FSTL4: variants seen among roughly 807,000 people sequenced by gnomAD.
The protein encoded by FSTL4 is follistatin like 4.
In FSTL4, 28 loss-of-function variants were observed where a neutral mutation model predicts 78.2. The ratio of observed to expected loss-of-function variants is 0.36; its 90% CI spans 0.27 to 0.49. FSTL4 has a LOEUF of 0.49. Among genes scored for constraint, FSTL4 ranks in the 20% least tolerant of loss-of-function variants. FSTL4 has a pLI of 0.98. For missense variants in FSTL4, 922 were observed against 1,084.9 expected, an observed-to-expected ratio of 0.85 and a Z score of 2.11; for synonymous variants, 422 against 440.5, an observed-to-expected ratio of 0.96 and a Z score of 0.53.
the FSTL4 span, among the ~76,000 whole-genome samples, chr5:133,799,069 A>C: frequency 3.0e-5 from 4 of 133,508 alleles, 1 homozygote; most frequent in Non-Finnish European, 6.7e-5. Flanking sequence ...GGAGGTGGGG[A>C]GGAAAGGAAA....
chr5:133,634,676 C>T, the FSTL4 span, among the ~76,000 whole-genome samples: 19 of 152,286 alleles, frequency 1.2e-4, no homozygotes, highest in Non-Finnish European at 2.2e-4. Flanking sequence ...GTAAAAATAG[C>T]AATCTGTACT....
At chr5:133,329,077 A>G (rs900262723) in intron 4 of FSTL4, among the ~76,000 whole-genome samples, 1 of 152,220 alleles carries the variant, frequency 6.6e-6, no homozygotes, top group African/African-American at 2.4e-5. Flanking sequence ...CGAGTGATCA[A>G]GATGAGGGTT....
At chr5:133,374,791 G>A (rs1278211327) in intron 4 of FSTL4, among the ~76,000 whole-genome samples, 2 of 152,084 alleles carry the variant, frequency 1.3e-5, no homozygotes, top group Non-Finnish European at 2.9e-5. Flanking sequence ...ACCAGGAAGA[G>A]GACCCTCACC....
chr5:133,745,846 C>G, the FSTL4 span, among the ~76,000 whole-genome samples: 1 of 152,250 alleles, frequency 6.6e-6, no homozygotes, highest in Non-Finnish European at 1.5e-5. Context: ...AACATTACCC[C>G]TGCAGGGGTT....
At chr5:133,265,855 C>T (rs1752630149) in intron 6 of FSTL4, among the ~76,000 whole-genome samples, 1 of 152,178 alleles carries the variant, frequency 6.6e-6, no homozygotes, top group Non-Finnish European at 1.5e-5. Context: ...ACTGTGGACA[C>T]TAGGGTGGGG....
intron 3 of FSTL4, among the ~76,000 whole-genome samples, chr5:133,547,716 C>A (rs1006342511): frequency 2.6e-5 from 4 of 152,082 alleles, no homozygotes; most frequent in Non-Finnish European, 4.4e-5. Flanking sequence ...CTCAGCTCAC[C>A]CCCATGTTAT....
chr5:133,520,842 G>C (rs1580762962), intron 3 of FSTL4, among the ~76,000 whole-genome samples: 1 of 152,084 alleles, frequency 6.6e-6, no homozygotes, highest in African/African-American at 2.4e-5. Flanking sequence ...GGGTTCTGAT[G>C]GGATGGAGGG....
At chr5:133,715,790 T>C in the FSTL4 span, among the ~76,000 whole-genome samples, 2 of 152,192 alleles carry the variant, frequency 1.3e-5, no homozygotes, top group Non-Finnish European at 2.9e-5. Flanking sequence ...TCCCAAACAC[T>C]GCGAAGAATA....
At chr5:133,511,729 A>G (rs759904051) in intron 3 of FSTL4, among the ~76,000 whole-genome samples, 8 of 152,186 alleles carry the variant, frequency 5.3e-5, no homozygotes, top group Non-Finnish European at 1.0e-4. Flanking sequence ...CAGGAACCAG[A>G]GGGATCCAAG....
the FSTL4 span, among the ~76,000 whole-genome samples, chr5:133,673,449 C>T: frequency 6.6e-6 from 1 of 152,176 alleles, no homozygotes; most frequent in Non-Finnish European, 1.5e-5. Context: ...ATATTCCTTC[C>T]CTAAAATTAG....
intron 3 of FSTL4, among the ~76,000 whole-genome samples, chr5:133,460,436 T>C (rs1180261464): frequency 6.6e-6 from 1 of 152,256 alleles, no homozygotes; most frequent in Non-Finnish European, 1.5e-5. Context: ...CCTGGTCTTT[T>C]GCAGTTTCCA....
chr5:133,243,481 A>G (rs1751941176), intron 7 of FSTL4, among the ~76,000 whole-genome samples: 1 of 152,250 alleles, frequency 6.6e-6, no homozygotes, highest in African/African-American at 2.4e-5. Flanking sequence ...ACAGGGACCC[A>G]TATCCAATTT....
intron 4 of FSTL4, among the ~76,000 whole-genome samples, chr5:133,385,829 A>C (rs1240428777): frequency 6.6e-6 from 1 of 152,238 alleles, no homozygotes; most frequent in Non-Finnish European, 1.5e-5. Flanking sequence ...GGCTAACAAC[A>C]CGGGCACATG....
intron 3 of FSTL4, among the ~76,000 whole-genome samples, chr5:133,506,938 G>A (rs539559200): frequency 4.1e-4 from 62 of 152,286 alleles, no homozygotes; most frequent in Middle Eastern, 3.4e-3. Context: ...TAGGCCAGGC[G>A]CGGTGGCTCA....
intron 3 of FSTL4, among the ~76,000 whole-genome samples, chr5:133,501,692 A>C (rs758602883): frequency 5.3e-5 from 8 of 152,214 alleles, no homozygotes; most frequent in African/African-American, 1.9e-4. Context: ...GAATATGATG[A>C]AGTACCATTC....
At chr5:133,324,020 A>G (rs1038954667) in intron 4 of FSTL4, among the ~76,000 whole-genome samples, 25 of 152,212 alleles carry the variant, frequency 1.6e-4, no homozygotes, top group African/African-American at 5.8e-4. Context: ...AGGCACATCC[A>G]CATTTAATTT....
At chr5:133,730,946 C>T in the FSTL4 span, among the ~76,000 whole-genome samples, 1 of 152,050 alleles carries the variant, frequency 6.6e-6, no homozygotes, top group Middle Eastern at 3.2e-3. Flanking sequence ...GGAGGTAGAC[C>T]CTGGGGAATG....
intron 3 of FSTL4, among the ~76,000 whole-genome samples, chr5:133,562,099 C>T (rs1759926491): frequency 6.6e-6 from 1 of 152,182 alleles, no homozygotes; most frequent in Admixed American, 6.5e-5. Flanking sequence ...TCTCTTTCCC[C>T]AGATGGCAGT....
At chr5:133,776,336 T>A in the FSTL4 span, among the ~76,000 whole-genome samples, 2 of 152,192 alleles carry the variant, frequency 1.3e-5, no homozygotes, top group Non-Finnish European at 2.9e-5. Flanking sequence ...GGCCACAGAT[T>A]CTGTTTGGCA....
Sources: gnomAD v4.1 joint callset for allele counts (sites outside exome capture counted in the v4.1 genomes callset) on GRCh38, gnomAD v4.1.1 for gene constraint, MANE v1.5 for transcripts, NCBI Gene and HGNC (gene_info 2026-07-23, HGNC 2026-07-21) for gene names.